SCN2A: variants seen among roughly 807,000 people sequenced by gnomAD.
The protein encoded by SCN2A is sodium channel protein type 2 subunit alpha.
A neutral mutation model predicts 188.7 loss-of-function variants in SCN2A; 20 were observed. The observed-to-expected ratio is 0.11, with a 90% CI of 0.07 to 0.15. The LOEUF is 0.15. Ranked by LOEUF, SCN2A falls within the 10% of genes least tolerant of loss-of-function variation. The pLI, the probability that SCN2A is intolerant of heterozygous loss-of-function variation, is 1.00. For missense variants in SCN2A, 1,278 were observed against 2,445.0 expected (o/e 0.52, Z 10.07); for synonymous variants, 804 against 833.1 (o/e 0.97, Z 0.60).
chr2:165,302,545 A>G (rs1696874515), intron 3 of SCN2A, among the ~76,000 whole-genome samples: 1 of 152,240 alleles, frequency 6.6e-6, no homozygotes, highest in Non-Finnish European at 1.5e-5. Flanking sequence ...GAAATGTCCT[A>G]TAATTTTATA....
chr2:165,336,009 G>A (rs1274730937), intron 14 of SCN2A, among the ~76,000 whole-genome samples: 4 of 151,848 alleles, frequency 2.6e-5, no homozygotes, highest in East Asian at 1.9e-4. Flanking sequence ...AGCGTCACTG[G>A]CTAATTTTAG....
intron 1 of SCN2A, among the ~76,000 whole-genome samples, chr2:165,284,877 T>C (rs1218998935): frequency 3.3e-5 from 5 of 152,234 alleles, no homozygotes; most frequent in Non-Finnish European, 7.3e-5. Context: ...GACGGTTGAA[T>C]GAGTTCTTGG....
At chr2:165,252,862 G>T (rs561249140) in intron 1 of SCN2A, among the ~76,000 whole-genome samples, 8 of 152,008 alleles carry the variant, frequency 5.3e-5, no homozygotes, top group East Asian at 1.9e-4. Context: ...TAAGGGGAGG[G>T]GGGGTGTGGC....
chr2:165,337,969 T>G (rs1331443884), intron 14 of SCN2A, among the ~76,000 whole-genome samples: 1 of 152,170 alleles, frequency 6.6e-6, no homozygotes, highest in Admixed American at 6.5e-5. Flanking sequence ...GTTGCATAAA[T>G]AAATTGTAAA....
Position 165,323,269 on chromosome 2 carries a change from T to C in SCN2A, c.1785T>C (p.Asp595=), listed in dbSNP as rs141815642. 20,568 of 1,614,178 alleles carry C rather than the reference T, an allele frequency of 0.013. 153 individuals carry two copies. Among genetic ancestry groups the C allele is most frequent in the Non-Finnish European group, 0.015 (17,995 of 1,180,034 alleles). Residue 595 remains aspartate (D), a synonymous_variant, in exon 12 of 27, where the codon GAT becomes GAC. Coordinates refer to ENST00000375437, the MANE Select transcript of SCN2A (RefSeq NM_001040142.2). ...TTGGCTCTGAGAATGACTTTGCTGA[T>C]GATGAGCACAGCACCTTTGAGGACA... The part of the protein sequence containing the change: ...KDIGSENDFA[D]DEHSTFEDND...
Position 165,342,208 on chromosome 2 carries a change from A to G in SCN2A, c.2389-88A>G, listed in dbSNP as rs931775723. The G allele has an allele frequency of 1.1e-5, 14 of 1,266,724 alleles. No homozygotes were observed. In the African/African-American group the frequency reaches 1.3e-4, roughly 12 times the overall value. The allele number at this position is 1,266,724 out of a possible 1,614,324, so 78.5% of individuals were successfully genotyped here. ...ATTTTTTAAAATCAGAATTTAATTT[A>G]TATTTGTTGGGAGTAAATTAAGTTG... On this transcript the variant is annotated intron_variant, in intron 14 of 26. Coordinates refer to ENST00000375437, the MANE Select transcript of SCN2A (RefSeq NM_001040142.2).
intron 3 of SCN2A, among the ~76,000 whole-genome samples, chr2:165,304,187 T>C (rs1696991694): frequency 6.6e-6 from 1 of 152,176 alleles, no homozygotes. Context: ...TACCTCTGCC[T>C]CCTGGGTTCA....
rs1697220894 is a variant in SCN2A at position 165,307,863 on chromosome 2, C to T, written c.402C>T (p.Leu134=). Residue 134 remains leucine (L), a synonymous_variant, in exon 4 of 27, where the codon CTC becomes CTT. Transcript: ENST00000375437. ...KILVHSLFNM[L]IMCTILTNCV... ...GATATTCTACTTTATTCAATATGCT[C>T]ATTATGTGCACGATTCTTACCAACT... 4 of 1,609,896 alleles carry T rather than the reference C, an allele frequency of 2.5e-6. No individual in the cohort carries two copies. Among genetic ancestry groups the T allele is most frequent in the Non-Finnish European group, 3.4e-6 (4 of 1,176,388 alleles).
chr2:165,375,819 G>GCACA (rs112644456), intron 22 of SCN2A, among the ~76,000 whole-genome samples: 2 of 146,688 alleles, frequency 1.4e-5, no homozygotes, highest in African/African-American at 5.0e-5. Context: ...GTGTATACAC[G>GCACA]CACACACACA....
intron 14 of SCN2A, 140 bp downstream of exon 14, chr2:165,331,708 T>A: frequency 2.7e-6 from 2 of 735,538 alleles, no homozygotes; most frequent in Admixed American, 2.2e-5. Flanking sequence ...CCCTTTTAAA[T>A]AACAAAAAAA....
At chr2:165,298,929 A>T (rs1407275626) in intron 3 of SCN2A, among the ~76,000 whole-genome samples, 2 of 143,036 alleles carry the variant, frequency 1.4e-5, no homozygotes, top group East Asian at 4.0e-4. Context: ...AGAATCAGAT[A>T]CAAAAAAAGT....
At chr2:165,346,463 G>C (rs1200601496) in intron 16 of SCN2A, among the ~76,000 whole-genome samples, 1 of 151,916 alleles carries the variant, frequency 6.6e-6, no homozygotes, top group Non-Finnish European at 1.5e-5. Flanking sequence ...ACTCAACATG[G>C]ATTAAAGACT....
chr2:165,262,365 A>G (rs925611894), intron 1 of SCN2A, among the ~76,000 whole-genome samples: 23 of 151,304 alleles, frequency 1.5e-4, no homozygotes, highest in Non-Finnish European at 3.4e-4. Context: ...CTTATCTCTC[A>G]CCCCCTCCCA....
At position 165,370,126 on chromosome 2, in the gene SCN2A, G is replaced by A. The variant is rs1700949821; in HGVS notation, c.3676G>A (p.Ala1226Thr). 6.2e-7 allele frequency: 1 copy of A among 1,613,368 alleles called. No individual in the cohort carries two copies. The highest frequency in any genetic ancestry group is 8.5e-7 in the Non-Finnish European group (1 of 1,179,464). The change falls in exon 20 of 27, where the codon GCC becomes ACC. Residue 1226 changes from alanine to threonine, a missense_variant and splice_region_variant. By Grantham distance (58) the Ala-to-Thr change is moderately conservative. Coordinates refer to ENST00000375437, the MANE Select transcript of SCN2A (RefSeq NM_001040142.2). Reference sequence around the variant, plus strand: ...TTTAATAGAATTTTTTGACTTACAGGCCTTTGAAGATATATACATTGAGCA... The same window carrying A: ...TTTAATAGAATTTTTTGACTTACAGACCTTTGAAGATATATACATTGAGCA... ...FMILLSSGAL[A>T]FEDIYIEQRK...
chr2:165,374,897 T>C lies in SCN2A; in HGVS notation c.4185T>C (p.Thr1395=), dbSNP rs747552216. 1.2e-6 allele frequency: 2 copies of C among 1,613,548 alleles called. No homozygotes were observed. Among genetic ancestry groups the C allele is most frequent in the Admixed American group, 3.3e-5 (2 of 59,914 alleles). The change falls in exon 22 of 27, where the codon ACT becomes ACC. Residue 1395 remains threonine, a synonymous_variant. Transcript: ENST00000375437. ...AAGCTCTCATTGAGAGCAATCAAAC[T>C]GCCAGGTGGAAAAATGTGAAAGTAA... The part of the protein sequence containing the change: ...ECKALIESNQ[T]ARWKNVKVNF...
At chr2:165,367,874 G>C (rs145944031) in intron 19 of SCN2A, among the ~76,000 whole-genome samples, 3 of 152,212 alleles carry the variant, frequency 2.0e-5, no homozygotes, top group Non-Finnish European at 4.4e-5. Context: ...ACTCCATACC[G>C]GCCCCACAGG....
intron 1 of SCN2A, among the ~76,000 whole-genome samples, chr2:165,277,182 C>T (rs898410266): frequency 3.3e-5 from 5 of 152,114 alleles, no homozygotes; most frequent in African/African-American, 1.2e-4. Context: ...GGGAATTATA[C>T]ATTCTAATTA....
intron 6 of SCN2A, 68 bp downstream of exon 6, chr2:165,309,511 A>G (rs1272146869): frequency 1.3e-6 from 2 of 1,584,906 alleles, no homozygotes; most frequent in Admixed American, 1.7e-5. Flanking sequence ...GCTTTTGTGC[A>G]GAAGCCTTGT....
At chr2:165,365,069 G>A (rs1201422791) in intron 17 of SCN2A, 74 bp from the exon 18 acceptor site, 28 of 1,229,356 alleles carry the variant, frequency 2.3e-5, no homozygotes, top group Non-Finnish European at 3.0e-5. Flanking sequence ...TGGGGGGGGG[G>A]CACACCTAAT....
Sources: allele counts gnomAD v4.1 joint callset (sites outside exome capture counted in the v4.1 genomes callset), GRCh38; gene constraint gnomAD v4.1.1; transcripts MANE v1.5; gene names NCBI Gene and HGNC (gene_info 2026-07-23, HGNC 2026-07-21).